Variants in PLGRKT observed in about 807,000 individuals in gnomAD.
The protein encoded by PLGRKT is plasminogen receptor with a C-terminal lysine.
In PLGRKT, 22 loss-of-function variants were observed where a neutral mutation model predicts 18.5. The ratio of observed to expected loss-of-function variants is 1.19; its 90% confidence interval spans 0.85 to 1.70. PLGRKT has a LOEUF of 1.70. Ranked by LOEUF, PLGRKT falls within the 40% of genes most tolerant of loss-of-function variation. PLGRKT has a pLI of 0.00. For missense variants in PLGRKT, 235 were observed against 174.4 expected, an observed-to-expected ratio of 1.35 and a Z score of -1.96; for synonymous variants, 72 against 52.8, an observed-to-expected ratio of 1.36 and a Z score of -1.58.
intron 3 of PLGRKT, among the ~76,000 whole-genome samples, chr9:5,373,123 C>A (rs1431933427): frequency 2.0e-5 from 3 of 152,202 alleles, no homozygotes; most frequent in African/African-American, 4.8e-5. Context: ...AAAAAAGGCA[C>A]ATATAATGAG....
intron 3 of PLGRKT, among the ~76,000 whole-genome samples, chr9:5,407,026 C>T (rs1202534084): frequency 6.6e-6 from 1 of 152,158 alleles, no homozygotes; most frequent in Admixed American, 6.5e-5. Context: ...CCCATAGTCC[C>T]TCACTTTTAT....
At chr9:5,359,055 C>T (rs973809439) in intron 5 of PLGRKT, among the ~76,000 whole-genome samples, 2 of 140,150 alleles carry the variant, frequency 1.4e-5, no homozygotes, top group Middle Eastern at 3.5e-3. Context: ...TCTTTTAACA[C>T]ACTATTTTAT....
chr9:5,424,094 T>A (rs1254256892), intron 3 of PLGRKT, among the ~76,000 whole-genome samples: 1 of 143,848 alleles, frequency 7.0e-6, no homozygotes, highest in East Asian at 2.0e-4. Flanking sequence ...ATATAATATA[T>A]ATTATATATG....
At chr9:5,382,972 G>A (rs1057426624) in intron 3 of PLGRKT, among the ~76,000 whole-genome samples, 2 of 152,288 alleles carry the variant, frequency 1.3e-5, no homozygotes. Context: ...CCTAACTCCA[G>A]AAACCTAAGA....
chr9:5,389,388 T>C (rs867552514), intron 3 of PLGRKT, among the ~76,000 whole-genome samples: 11 of 152,052 alleles, frequency 7.2e-5, no homozygotes, highest in Middle Eastern at 3.4e-3. Context: ...CTGATGGTGC[T>C]GATCTATGAA....
At chr9:5,378,283 T>A (rs1185163235) in intron 3 of PLGRKT, among the ~76,000 whole-genome samples, 1 of 152,196 alleles carries the variant, frequency 6.6e-6, no homozygotes, top group Non-Finnish European at 1.5e-5. Context: ...GCCCAAGCGA[T>A]GAGAACCTTC....
chr9:5,430,114 T>C (rs560777258), intron 3 of PLGRKT, among the ~76,000 whole-genome samples: 1 of 152,322 alleles, frequency 6.6e-6, no homozygotes, highest in South Asian at 2.1e-4. Flanking sequence ...TTGGAGGACA[T>C]GGGGAATTAA....
chr9:5,414,210 A>C (rs1324586296), intron 3 of PLGRKT, among the ~76,000 whole-genome samples: 1 of 152,190 alleles, frequency 6.6e-6, no homozygotes, highest in African/African-American at 2.4e-5. Flanking sequence ...TCTGTCACCC[A>C]GGCTGGAGTG....
chr9:5,388,393 C>A (rs1349035034), intron 3 of PLGRKT, among the ~76,000 whole-genome samples: 2 of 151,930 alleles, frequency 1.3e-5, no homozygotes, highest in African/African-American at 2.4e-5. Flanking sequence ...TAGTAAACAT[C>A]TAAAATTCTG....
chr9:5,417,100 C>G (rs1481726121), intron 3 of PLGRKT, among the ~76,000 whole-genome samples: 1 of 152,104 alleles, frequency 6.6e-6, no homozygotes, highest in Non-Finnish European at 1.5e-5. Context: ...TCCATTCATT[C>G]CAGCTTTGAA....
At chr9:5,403,516 C>T (rs1219185568) in intron 3 of PLGRKT, among the ~76,000 whole-genome samples, 5 of 152,148 alleles carry the variant, frequency 3.3e-5, no homozygotes, top group South Asian at 2.1e-4. Flanking sequence ...TGAGCCACCA[C>T]GCCCAGCCAT....
intron 3 of PLGRKT, among the ~76,000 whole-genome samples, chr9:5,363,190 C>T (rs1314923685): frequency 6.6e-6 from 1 of 151,792 alleles, no homozygotes; most frequent in Non-Finnish European, 1.5e-5. Context: ...TCACTGGATC[C>T]CAGAGGATCA....
intron 3 of PLGRKT, among the ~76,000 whole-genome samples, chr9:5,415,703 G>C (rs1818446350): frequency 6.6e-6 from 1 of 152,052 alleles, no homozygotes; most frequent in South Asian, 2.1e-4. Flanking sequence ...TGTGGTTTAA[G>C]AAAAATAAGC....
rs79994204 is a variant in PLGRKT at position 5,372,910 on chromosome 9, C to G, written c.82-11022G>C. ...GTTTACAGCTGAGGAAACTAGGGAT[C>G]AGAATTTGAGTGATTTTCCCCGTGG... On this transcript the variant is annotated intron_variant, in intron 3 of 5. Transcript: ENST00000223864. Among the ~76,000 whole-genome samples the G allele has an allele frequency of 5.2e-4, 79 of 152,262 alleles. 1 individual carries two copies. The East Asian group carries it at 0.012, about 22-fold the overall frequency.
intron 3 of PLGRKT, among the ~76,000 whole-genome samples, chr9:5,409,489 A>G (rs376942132): frequency 3.9e-5 from 6 of 152,168 alleles, no homozygotes; most frequent in Admixed American, 6.5e-5. Flanking sequence ...CAGATGGCCT[A>G]TTGTGGGATC....
intron 3 of PLGRKT, among the ~76,000 whole-genome samples, chr9:5,383,360 T>A (rs1268673558): frequency 1.3e-5 from 2 of 152,056 alleles, no homozygotes; most frequent in Non-Finnish European, 2.9e-5. Context: ...ACCAATACAC[T>A]CCTCAGCTGC....
intron 3 of PLGRKT, among the ~76,000 whole-genome samples, chr9:5,381,702 G>T (rs777887257): frequency 6.6e-6 from 1 of 152,230 alleles, no homozygotes; most frequent in Non-Finnish European, 1.5e-5. Flanking sequence ...CACCTCTTGG[G>T]AGGAGATGAG....
At chr9:5,423,134 A>C (rs1818609990) in intron 3 of PLGRKT, among the ~76,000 whole-genome samples, 1 of 152,182 alleles carries the variant, frequency 6.6e-6, no homozygotes. Context: ...TTTGGCTCAC[A>C]AAACACTCTA....
chr9:5,437,645 G>A (rs889399022), intron 1 of PLGRKT, 144 bp downstream of exon 1: 1 of 152,324 alleles, frequency 6.6e-6, no homozygotes, highest in Non-Finnish European at 1.5e-5. Context: ...TCAGCACCAG[G>A]GGCAGTGCGA....
Sources: allele counts gnomAD v4.1 joint callset (sites outside exome capture counted in the v4.1 genomes callset), GRCh38; gene constraint gnomAD v4.1.1; transcripts MANE v1.5; gene names NCBI Gene and HGNC (gene_info 2026-07-23, HGNC 2026-07-21).